The following MVP variants were observed in gnomAD, a reference collection of about 807,000 sequenced individuals.
MVP encodes major vault protein, also known as lung resistance-related protein.
MVP carries 62 observed loss-of-function variants against 83.5 expected under a neutral mutation model. The ratio of observed to expected loss-of-function variants is 0.74; its 90% CI spans 0.61 to 0.92. The LOEUF (loss-of-function observed/expected upper bound fraction) is 0.92. MVP is among the 40% of genes least tolerant of loss of function. The pLI, the probability that MVP is intolerant of heterozygous loss-of-function variation, is 0.00. For synonymous variants in MVP, 505 were observed against 504.1 expected (o/e 1.00, Z -0.02); for missense variants, 1,000 against 1,203.4 (o/e 0.83, Z 2.50).
chr16:29,830,939 AACCCTGT>A lies in MVP; in HGVS notation c.188_194del (p.Asn63SerfsTer59). On this transcript the variant is annotated frameshift_variant, in exon 3 of 15. Transcript: ENST00000357402. LOFTEE classifies it high-confidence loss of function. ...CCCACGTCACTACTGCACAGTGGCC[AACCCTGT>A]GTCTCGGGATGCCCAGGGCTTGGTG... 6.2e-7 allele frequency: 1 copy of A among 1,613,846 alleles called. No individual in the cohort carries two copies.
chr16:29,839,642 G>A (rs1048635029), intron 7 of MVP, among the ~76,000 whole-genome samples: 1 of 151,756 alleles, frequency 6.6e-6, no homozygotes, highest in Non-Finnish European at 1.5e-5. Flanking sequence ...AAATTAGCTG[G>A]GTGTGGTGAT....
At chr16:29,843,516 GGGA>G (rs2067551299) in intron 10 of MVP, among the ~76,000 whole-genome samples, 1 of 18,506 alleles carries the variant, frequency 5.4e-5, no homozygotes, top group African/African-American at 3.3e-4. Context: ...AAGGGAGGAA[GGGA>G]GGAAGGGAGG....
chr16:29,823,587 C>T (rs2067381107), intron 1 of MVP, among the ~76,000 whole-genome samples: 1 of 152,056 alleles, frequency 6.6e-6, no homozygotes, highest in Non-Finnish European at 1.5e-5. Context: ...GGCGCGGTGG[C>T]TCACGCCTGT....
rs758048043 is a variant in MVP at position 29,846,168 on chromosome 16, G to C, written c.2149G>C (p.Glu717Gln). 4 of 1,610,988 alleles carry C rather than the reference G, an allele frequency of 2.5e-6. No homozygotes were observed. In the Admixed American group the frequency reaches 5.0e-5, roughly 20 times the overall value. The part of the protein sequence containing the change: ...LELEALSMAV[E>Q]STGTAKAEAE... Reference sequence around the variant, plus strand: ...CTGCCTTCTCCCCAGCATGGCCGTGGAGAGCACCGGGACTGCCAAGGCGGA... The same window carrying C: ...CTGCCTTCTCCCCAGCATGGCCGTGCAGAGCACCGGGACTGCCAAGGCGGA... The change falls in exon 13 of 15, where the codon GAG (glutamate) becomes CAG (glutamine). Residue 717 changes from glutamate (E) to glutamine (Q), a missense_variant. Transcript: ENST00000357402.
rs2150754281 is a variant in MVP, at chr16:29,834,025, GC to G, written c.537del (p.Lys180ArgfsTer12). 6.2e-7 allele frequency: 1 copy of G among 1,613,966 alleles called. No individual in the cohort carries two copies. The highest frequency in any genetic ancestry group is 2.2e-5 in the East Asian group (1 of 44,892). On this transcript the variant is annotated frameshift_variant, in exon 5 of 15. Coordinates refer to ENST00000357402, the MANE Select transcript of MVP (RefSeq NM_005115.5). LOFTEE classifies it high-confidence loss of function. ...AACCAGGCTCTGCGGCTCAGGGCCC[GC>G]AAGGAGTGCTGGGACCGGGACGGCA... ...RQNQALRLRA[R>X]KECWDRDGKE...
intron 3 of MVP, among the ~76,000 whole-genome samples, chr16:29,832,066 C>T (rs960341446): frequency 6.6e-6 from 1 of 152,066 alleles, no homozygotes; most frequent in African/African-American, 2.4e-5. Flanking sequence ...AGGCATGAGC[C>T]ACCGTGTCCA....
At chr16:29,822,178 G>C (rs561289137) in intron 1 of MVP, among the ~76,000 whole-genome samples, 1 of 151,948 alleles carries the variant, frequency 6.6e-6, no homozygotes, top group East Asian at 1.9e-4. Flanking sequence ...CTGAAGCCTG[G>C]TTCCTGGGGT....
intron 14 of MVP, among the ~76,000 whole-genome samples, 164 bp from the exon 15 acceptor site, chr16:29,847,598 G>A (rs1004735644): frequency 1.3e-5 from 2 of 152,198 alleles, no homozygotes; most frequent in Non-Finnish European, 2.9e-5. Context: ...GGAGGAGACA[G>A]GAAATGGATG....
At chr16:29,846,507 C>T (rs1305518306) in intron 13 of MVP, among the ~76,000 whole-genome samples, 1 of 152,230 alleles carries the variant, frequency 6.6e-6, no homozygotes, top group Non-Finnish European at 1.5e-5. Context: ...ATGCACTGGC[C>T]ACCTTGGCAC....
intron 1 of MVP, among the ~76,000 whole-genome samples, chr16:29,821,974 C>T (rs1239901363): frequency 6.6e-6 from 1 of 152,100 alleles, no homozygotes; most frequent in Non-Finnish European, 1.5e-5. Flanking sequence ...GCCTGTAATC[C>T]CAGTACTTTG....
Position 29,836,731 on chromosome 16 carries a change from C to A in MVP, c.682C>A (p.His228Asn), listed in dbSNP as rs150165807. ...AVILTEKTAL[H>N]LRARRNFRDF... Reference sequence around the variant, plus strand: ...ACATGTTGCTCTGCAGACAGCCCTGCACCTCCGGGCTCGGCGGAACTTCCG... The same window carrying A: ...ACATGTTGCTCTGCAGACAGCCCTGAACCTCCGGGCTCGGCGGAACTTCCG... The change falls in exon 7 of 15, where the codon CAC becomes AAC. Residue 228 changes from histidine to asparagine, a missense_variant. Physicochemically the swap from His to Asn is moderately conservative, Grantham distance 68. Transcript: ENST00000357402. 1 of 1,587,590 alleles carries A rather than the reference C, an allele frequency of 6.3e-7. No homozygotes were observed. Among genetic ancestry groups the A allele is most frequent in the African/African-American group, 1.3e-5 (1 of 74,568 alleles).
At chr16:29,824,621 G>C (rs1204143645) in intron 1 of MVP, among the ~76,000 whole-genome samples, 1 of 152,200 alleles carries the variant, frequency 6.6e-6, no homozygotes, top group Non-Finnish European at 1.5e-5. Context: ...AGCCAGGCTT[G>C]GTGGCATGTG....
chr16:29,840,258 G>C lies in MVP; in HGVS notation c.990G>C (p.Gln330His), dbSNP rs758873783. 30 of 1,613,976 alleles carry C rather than the reference G, an allele frequency of 1.9e-5. No homozygotes were observed. The highest frequency in any genetic ancestry group is 2.5e-5 in the Non-Finnish European group (30 of 1,179,998). ...IQDVYVLSEQ[Q>H]GLLLRALQPL... ...ATGTGTATGTGCTGTCGGAGCAGCAGGGGCTGCTGCTGAGGGCCCTGCAGC... is the reference window on the plus strand; with the variant it reads ...ATGTGTATGTGCTGTCGGAGCAGCACGGGCTGCTGCTGAGGGCCCTGCAGC... The change falls in exon 8 of 15, where the codon CAG becomes CAC. Residue 330 changes from glutamine (Q) to histidine (H), a missense_variant. Physicochemically the swap from Gln to His is conservative, Grantham distance 24. Transcript: ENST00000357402.
chr16:29,847,336 T>C lies in MVP; in HGVS notation c.2405T>C (p.Ile802Thr). Residue 802 changes from isoleucine (I) to threonine (T), a missense_variant, in exon 14 of 15, where the codon ATA (isoleucine) becomes ACA (threonine). Ile to Thr is a moderately conservative substitution (Grantham distance 89). Coordinates refer to ENST00000357402, the MANE Select transcript of MVP (RefSeq NM_005115.5). ...AAGTTCAAGCAGATGACAGAGGCCA[T>C]AGGCCCCAGCACCATCAGGGACCTT... ...VKKFKQMTEA[I>T]GPSTIRDLAV... 1 of 1,604,986 alleles carries C rather than the reference T, an allele frequency of 6.2e-7. No homozygotes were observed. Among genetic ancestry groups the C allele is most frequent in the Non-Finnish European group, 8.5e-7 (1 of 1,176,442 alleles).
In MVP at chr16:29,847,388, G is replaced by A. The variant is rs2067594335; in HGVS notation, c.2454+3G>A. The stretch of plus-strand genomic sequence containing the variant: ...CTGTGGCTGGGCCTGAGATGCAGGT[G>A]AGAGTTGGGGAAGGTGTGTTGGTTT... On this transcript the variant is annotated splice_donor_region_variant and intron_variant, in intron 14 of 14. Coordinates refer to ENST00000357402, the MANE Select transcript of MVP (RefSeq NM_005115.5). The A allele has an allele frequency of 1.3e-6, 2 of 1,536,190 alleles. No individual in the cohort carries two copies. The highest frequency in any genetic ancestry group is 2.6e-5 in the South Asian group (2 of 77,880).
At chr16:29,843,983 G>A (rs2067559596) in intron 10 of MVP, among the ~76,000 whole-genome samples, 1 of 152,152 alleles carries the variant, frequency 6.6e-6, no homozygotes, top group African/African-American at 2.4e-5. Context: ...GACAGCTGCC[G>A]ACATATTCCC....
At chr16:29,825,772 T>TG (rs2067400800) in intron 1 of MVP, among the ~76,000 whole-genome samples, 1 of 152,122 alleles carries the variant, frequency 6.6e-6, no homozygotes, top group Non-Finnish European at 1.5e-5. Context: ...TGGGGGGTGT[T>TG]GGGGAGATTA....
In MVP at chr16:29,830,574, C is replaced by T. The variant is rs776987609; in HGVS notation, c.25C>T (p.Arg9Cys). The stretch of plus-strand genomic sequence containing the variant: ...CATGGCAACTGAAGAGTTCATCATC[C>T]GCATCCCCCCATACCACTATATCCA... MATEEFII[R>C]IPPYHYIHVL... The change falls in exon 2 of 15, where the codon CGC becomes TGC. Residue 9 changes from arginine to cysteine, a missense_variant. Arg to Cys is a radical substitution (Grantham distance 180). Coordinates refer to ENST00000357402, the MANE Select transcript of MVP (RefSeq NM_005115.5). 4 of 1,613,878 alleles carry T rather than the reference C, an allele frequency of 2.5e-6. No homozygotes were observed. The highest frequency in any genetic ancestry group is 1.3e-5 in the African/African-American group (1 of 74,874).
intron 3 of MVP, among the ~76,000 whole-genome samples, chr16:29,831,987 A>G (rs554345240): frequency 2.0e-5 from 3 of 152,156 alleles, no homozygotes; most frequent in Admixed American, 1.3e-4. Flanking sequence ...TCACCGTGTT[A>G]GCCAGGATGG....
Sources: allele counts gnomAD v4.1 joint callset (sites outside exome capture counted in the v4.1 genomes callset), GRCh38; gene constraint gnomAD v4.1.1; transcripts MANE v1.5; gene names NCBI Gene and HGNC (gene_info 2026-07-23, HGNC 2026-07-21).